Variants in RICTOR observed in about 807,000 individuals in gnomAD.
RICTOR encodes RPTOR independent companion of MTOR complex 2.
A neutral mutation model predicts 214.9 loss-of-function variants in RICTOR; 49 were observed. The ratio of observed to expected loss-of-function variants is 0.23; its 90% CI spans 0.18 to 0.29. The LOEUF (loss-of-function observed/expected upper bound fraction) is 0.29, where lower values mean the gene tolerates loss of function less well. RICTOR is among the 10% of genes least tolerant of loss of function. The probability of loss-of-function intolerance (pLI) is 1.00; values close to 1 mark genes in which losing one functional copy is unlikely to be tolerated. For synonymous variants in RICTOR, 717 were observed against 711.3 expected, an observed-to-expected ratio of 1.01 and a Z score of -0.13; for missense variants, 1,625 against 2,047.0, an observed-to-expected ratio of 0.79 and a Z score of 3.98.
chr5:38,957,927 G>A (rs1045274456), intron 24 of RICTOR, among the ~76,000 whole-genome samples, 197 bp from the exon 25 acceptor site: 5 of 151,972 alleles, frequency 3.3e-5, no homozygotes, highest in African/African-American at 9.6e-5. Context: ...GCAACAACAC[G>A]CGAACCCAAT....
At chr5:38,948,603 G>C (rs1339373379) in intron 31 of RICTOR, among the ~76,000 whole-genome samples, 1 of 152,070 alleles carries the variant, frequency 6.6e-6, no homozygotes, top group Non-Finnish European at 1.5e-5. Context: ...CACTGATCTA[G>C]TGCAATCTCC....
intron 27 of RICTOR, 25 bp from the exon 28 acceptor site, chr5:38,953,578 T>C (rs781654524): frequency 1.9e-5 from 14 of 732,310 alleles, no homozygotes; most frequent in South Asian, 2.5e-5. Context: ...AAAAATACCA[T>C]GAGTAATAAT....
At chr5:39,034,446 T>C (rs539763977) in intron 2 of RICTOR, among the ~76,000 whole-genome samples, 2 of 152,346 alleles carry the variant, frequency 1.3e-5, no homozygotes, top group East Asian at 1.9e-4. Flanking sequence ...TTCATCTCAC[T>C]GGGGAGTGCC....
At chr5:38,979,725 G>A (rs1168527672) in intron 8 of RICTOR, among the ~76,000 whole-genome samples, 1 of 152,152 alleles carries the variant, frequency 6.6e-6, no homozygotes, top group Non-Finnish European at 1.5e-5. Flanking sequence ...TCATTCACAA[G>A]GTGCTGATTA....
At chr5:38,944,788 C>A in intron 35 of RICTOR, 125 bp downstream of exon 35, 4 of 991,906 alleles carry the variant, frequency 4.0e-6, no homozygotes, top group Non-Finnish European at 6.2e-6. Context: ...TAAATTGCTT[C>A]ACTAAAATGG....
At chr5:39,021,260 C>T in intron 2 of RICTOR, 124 bp from the exon 3 acceptor site, 1 of 669,824 alleles carries the variant, frequency 1.5e-6, no homozygotes. Flanking sequence ...CCCTCCACCC[C>T]AAATCTGTTA....
rs1749664351 is a variant in RICTOR, at chr5:38,960,124, A to C, written c.1852-146T>G. 3 of 681,070 alleles carry C rather than the reference A, an allele frequency of 4.4e-6. No homozygotes were observed. The African/African-American group carries it at 5.4e-5, about 12-fold the overall frequency. The allele number at this position is 681,070 out of a possible 1,614,324, so 42.2% of individuals were successfully genotyped here. The stretch of plus-strand genomic sequence containing the variant: ...ATCAGTGAGTACCTGTTGTTTTCTA[A>C]TCCACTTCAACACAATGCTGCATGG... On this transcript the variant is annotated intron_variant, in intron 20 of 37. Coordinates refer to ENST00000357387, the MANE Select transcript of RICTOR (RefSeq NM_152756.5).
chr5:39,056,505 G>A (rs576994747), intron 2 of RICTOR, among the ~76,000 whole-genome samples: 19 of 152,162 alleles, frequency 1.2e-4, no homozygotes, highest in South Asian at 4.2e-4. Context: ...GCTTGGTGGC[G>A]TGTGCCTGTA....
chr5:38,964,651 T>C (rs1049485393), intron 16 of RICTOR, 141 bp downstream of exon 16: 2 of 452,092 alleles, frequency 4.4e-6, no homozygotes, highest in Non-Finnish European at 3.9e-6. Flanking sequence ...TTTAGAACTA[T>C]TAATTTTTCC....
intron 2 of RICTOR, among the ~76,000 whole-genome samples, chr5:39,035,238 C>G (rs965575127): frequency 1.3e-5 from 2 of 152,298 alleles, no homozygotes; most frequent in South Asian, 4.1e-4. Flanking sequence ...CGGGCGAACT[C>G]CAACAGACCT....
chr5:38,979,584 C>T (rs1256998854), intron 8 of RICTOR, among the ~76,000 whole-genome samples: 1 of 152,016 alleles, frequency 6.6e-6, no homozygotes, highest in African/African-American at 2.4e-5. Flanking sequence ...GTTTCAATGA[C>T]TTAAGAGTCT....
Position 38,981,991 on chromosome 5 carries a change from G to C in RICTOR, c.629C>G (p.Thr210Ser), listed in dbSNP as rs768369548. 6.2e-7 allele frequency: 1 copy of C among 1,613,116 alleles called. No individual in the cohort carries two copies. Among genetic ancestry groups the C allele is most frequent in the East Asian group, 2.2e-5 (1 of 44,830 alleles). Residue 210 changes from threonine (T) to serine (S), a missense_variant, in exon 8 of 38, where the codon ACC (threonine) becomes AGC (serine). Around this residue, in one of 5 missense-constraint regions of RICTOR, gnomAD observed 258 missense variants for 393.7 expected, o/e 0.66. Coordinates refer to ENST00000357387, the MANE Select transcript of RICTOR (RefSeq NM_152756.5). ...EVVALRGGLNTILKNVIDCQL... is the reference protein window; with the variant it reads ...EVVALRGGLNSILKNVIDCQL... Reference sequence around the variant, plus strand: ...GCAATCGATCACATTTTTCAAGATGGTGTTTAGTCCACCTCGAAGGGCCAC... The same window carrying C: ...GCAATCGATCACATTTTTCAAGATGCTGTTTAGTCCACCTCGAAGGGCCAC...
intron 7 of RICTOR, among the ~76,000 whole-genome samples, chr5:38,990,707 A>ATATCTGATATATC (rs1281321409): frequency 9.9e-5 from 9 of 90,678 alleles, no homozygotes; most frequent in African/African-American, 3.9e-4. Flanking sequence ...TATATCAGAT[A>ATATCTGATATATC]TGATATATAT....
Position 38,982,056 on chromosome 5 carries a change from CAT to C in RICTOR, c.584-22_584-21del. ...GAAGTGCTAAAAGAGAAAAACTTAACATATTATATTTGGGGTAATTATTAAAA... is the reference window on the plus strand; with the variant it reads ...GAAGTGCTAAAAGAGAAAAACTTAACATTATATTTGGGGTAATTATTAAAA... On this transcript the variant is annotated intron_variant, in intron 7 of 37. Coordinates refer to ENST00000357387, the MANE Select transcript of RICTOR (RefSeq NM_152756.5). 2 of 1,566,730 alleles carry C rather than the reference CAT, an allele frequency of 1.3e-6. No homozygotes were observed. Among genetic ancestry groups the C allele is most frequent in the Non-Finnish European group, 8.7e-7 (1 of 1,143,456 alleles).
intron 2 of RICTOR, among the ~76,000 whole-genome samples, chr5:39,051,428 G>A (rs1361659821): frequency 6.6e-6 from 1 of 152,064 alleles, no homozygotes; most frequent in Admixed American, 6.5e-5. Flanking sequence ...AGCACATCTG[G>A]TATTTGCTTG....
At chr5:38,958,854 T>TAAAAA in intron 22 of RICTOR, 23 bp from the exon 23 acceptor site, 1 of 1,248,390 alleles carries the variant, frequency 8.0e-7, no homozygotes, top group South Asian at 1.7e-5. Context: ...ATGAATACAT[T>TAAAAA]AAAAAAAAAA....
intron 2 of RICTOR, among the ~76,000 whole-genome samples, chr5:39,030,382 T>C (rs904537077): frequency 2.0e-5 from 3 of 152,172 alleles, no homozygotes; most frequent in African/African-American, 4.8e-5. Context: ...TTGTCATAAG[T>C]ATATTCTCAG....
chr5:38,952,520 T>A, intron 29 of RICTOR, 95 bp from the exon 30 acceptor site: 1 of 765,108 alleles, frequency 1.3e-6, no homozygotes, highest in Non-Finnish European at 2.0e-6. Flanking sequence ...CTTTGAACTT[T>A]CTCTAAAACC....
intron 10 of RICTOR, among the ~76,000 whole-genome samples, chr5:38,972,218 A>G (rs1203137566): frequency 6.6e-6 from 1 of 152,216 alleles, no homozygotes; most frequent in Non-Finnish European, 1.5e-5. Flanking sequence ...AAAGTTCATG[A>G]GTCTGACTGC....
Sources: gnomAD v4.1 joint callset for allele counts (sites outside exome capture counted in the v4.1 genomes callset) on GRCh38, gnomAD v4.1.1 for gene constraint, gnomAD v4.1.1 regional missense constraint, MANE v1.5 for transcripts, NCBI Gene and HGNC (gene_info 2026-07-23, HGNC 2026-07-21) for gene names.